The following ACAN variants were observed in gnomAD, a reference collection of about 807,000 sequenced individuals.
ACAN encodes the protein aggrecan core protein.
In ACAN, 47 loss-of-function variants were observed where a neutral mutation model predicts 169.1. That is an observed-to-expected ratio of 0.28 (90% confidence interval 0.22 to 0.35). The LOEUF is 0.35. Among genes scored for constraint, ACAN ranks in the 10% least tolerant of loss-of-function variants. The pLI, the probability that ACAN is intolerant of heterozygous loss-of-function variation, is 1.00. For synonymous variants in ACAN, 1,115 were observed against 1,112.2 expected (o/e 1.00, Z -0.05); for missense variants, 2,716 against 2,759.9 (o/e 0.98, Z 0.36).
At chr15:88,836,319 G>A in intron 2 of ACAN, 43 bp downstream of exon 2, 1 of 1,540,472 alleles carries the variant, frequency 6.5e-7, no homozygotes, top group Non-Finnish European at 9.0e-7. Flanking sequence ...CAGTAGGCAT[G>A]AGTAGTGGGT....
At chr15:88,840,961 G>A (rs912074042) in intron 4 of ACAN, among the ~76,000 whole-genome samples, 37 of 152,176 alleles carry the variant, frequency 2.4e-4, no homozygotes, top group South Asian at 1.2e-3. Flanking sequence ...TAGCTAACAT[G>A]GTGAAACCCC....
Position 88,814,781 on chromosome 15 carries a change from T to C in ACAN, c.-8+10972T>C, listed in dbSNP as rs1895899167. ...AGAACTCCTCTTCAGGTGTCATAGC[T>C]GCTAGCCAGCATGTCCATGCTATCA... is the stretch of plus-strand genomic sequence containing the variant. On this transcript the variant is annotated intron_variant, in intron 1 of 18. Coordinates refer to ENST00000560601, the MANE Select transcript of ACAN (RefSeq NM_001369268.1). The surrounding 1 kb of genome is among the most constrained non-coding windows in gnomAD (Gnocchi z 4.0). Among the ~76,000 whole-genome samples the C allele has an allele frequency of 2.0e-5, 3 of 152,192 alleles. No homozygotes were observed. Among genetic ancestry groups the C allele is most frequent in the Admixed American group, 6.5e-5 (1 of 15,282 alleles).
chr15:88,835,419 ACAC>A (rs1030505552), intron 1 of ACAN, among the ~76,000 whole-genome samples: 2 of 152,092 alleles, frequency 1.3e-5, no homozygotes, highest in Non-Finnish European at 2.9e-5. Flanking sequence ...ACACACACAC[ACAC>A]GAGAGACAGA....
Position 88,838,610 on chromosome 15 carries a change from G to T in ACAN, c.71-53G>T. 1 of 1,527,146 alleles carries T rather than the reference G, an allele frequency of 6.5e-7. No homozygotes were observed. The highest frequency in any genetic ancestry group is 2.0e-5 in the Admixed American group (1 of 48,874). 94.6% of individuals were successfully genotyped at this position (1,527,146 alleles called of 1,614,324 possible). A position where few individuals can be genotyped will look rare whatever the true frequency, so the allele number is the denominator to read the frequency against. The stretch of plus-strand genomic sequence containing the variant: ...GGAAGGATGGATGGGGAGGCGGGGT[G>T]GTCCTCTCTAGGCACTAACAGGTCT... On this transcript the variant is annotated intron_variant, in intron 2 of 18. Transcript: ENST00000560601. The surrounding 1 kb of genome is among the most constrained non-coding windows in gnomAD (Gnocchi z 5.1).
At chr15:88,817,725 A>C (rs1895975521) in intron 1 of ACAN, among the ~76,000 whole-genome samples, 1 of 151,794 alleles carries the variant, frequency 6.6e-6, no homozygotes, top group Non-Finnish European at 1.5e-5. Context: ...ATAGTGGTGC[A>C]TGCCTATAGT....
rs1285366415 is a variant in ACAN, at chr15:88,873,013, A to G, written c.7435A>G (p.Lys2479Glu). 1 of 1,612,864 alleles carries G rather than the reference A, an allele frequency of 6.2e-7. No homozygotes were observed. Among genetic ancestry groups the G allele is most frequent in the African/African-American group, 1.3e-5 (1 of 74,922 alleles). Reference sequence around the variant, plus strand: ...CAATTACCACCTCCCCTTCACGTGTAAAAAGGGCACAGGTAAGCTGGCGCC... The same window carrying G: ...CAATTACCACCTCCCCTTCACGTGTGAAAAGGGCACAGGTAAGCTGGCGCC... ...PCNYHLPFTC[K>E]KGTVACGEPP... Residue 2479 changes from lysine to glutamate, a missense_variant, in exon 17 of 19, where the codon AAA becomes GAA. Lys to Glu is a moderately conservative substitution (Grantham distance 56, BLOSUM62 1). Around this residue, in one of 3 missense-constraint regions of ACAN, gnomAD observed 1,389 missense variants for 1,363.7 expected, o/e 1.02. Coordinates refer to ENST00000560601, the MANE Select transcript of ACAN (RefSeq NM_001369268.1). The surrounding 1 kb of genome is among the most constrained non-coding windows in gnomAD (Gnocchi z 7.5).
chr15:88,817,952 T>G (rs376429835), intron 1 of ACAN, among the ~76,000 whole-genome samples: 39 of 152,240 alleles, frequency 2.6e-4, no homozygotes, highest in African/African-American at 7.5e-4. Flanking sequence ...GTTAAATTTC[T>G]GTCTGTCTTT....
intron 4 of ACAN, among the ~76,000 whole-genome samples, chr15:88,841,150 A>G (rs1008842830): frequency 3.3e-5 from 5 of 152,264 alleles, no homozygotes; most frequent in East Asian, 3.8e-4. Flanking sequence ...GTCTCAAAAA[A>G]TAAAAGAACT....
chr15:88,839,005 G>C lies in ACAN; in HGVS notation c.413G>C (p.Gly138Ala), dbSNP rs760138666. 39 of 1,609,680 alleles carry C rather than the reference G, an allele frequency of 2.4e-5. No individual in the cohort carries two copies. Among genetic ancestry groups the C allele is most frequent in the East Asian group, 4.5e-5 (2 of 44,894 alleles). The change falls in exon 3 of 19, where the codon GGC becomes GCC. Residue 138 changes from glycine (G) to alanine (A), a missense_variant. Coordinates refer to ENST00000560601, the MANE Select transcript of ACAN (RefSeq NM_001369268.1). The surrounding 1 kb of genome is among the most constrained non-coding windows in gnomAD (Gnocchi z 4.5). ...GTCTACCGCTGCGAGGTGATGCATG[G>C]CATCGAGGACAGCGAGGCCACCCTG... ...SGVYRCEVMH[G>A]IEDSEATLEV...
chr15:88,854,946 A>T lies in ACAN; in HGVS notation c.2361A>T (p.Pro787=). The change falls in exon 12 of 19, where the codon CCA becomes CCT. Residue 787 remains proline, a synonymous_variant. Transcript: ENST00000560601. ...ATEVPSASEE[P]SPSEVPFPSE... ...AAGTGCCCTCTGCCTCAGAGGAACC[A>T]TCCCCCTCAGAGGTGCCATTCCCCT... is the stretch of plus-strand genomic sequence containing the variant. The T allele has an allele frequency of 6.3e-7, 1 of 1,595,772 alleles. No individual in the cohort carries two copies. The highest frequency in any genetic ancestry group is 1.8e-5 in the Admixed American group (1 of 56,976).
rs1023643376 is a variant in ACAN, at chr15:88,871,728, G to C, written c.7219+188G>C. 6.6e-6 allele frequency among the ~76,000 whole-genome samples: 1 copy of C among 152,206 alleles called. No homozygotes were observed. Among genetic ancestry groups the C allele is most frequent in the African/African-American group, 2.4e-5 (1 of 41,454 alleles). Reference sequence around the variant, plus strand: ...AACGGTCTTTGGGGCCAGAAGCTGTGGCTGCAGCCAGGGCAGACCCATTGC... The same window carrying C: ...AACGGTCTTTGGGGCCAGAAGCTGTCGCTGCAGCCAGGGCAGACCCATTGC... On this transcript the variant is annotated intron_variant, in intron 15 of 18. Coordinates refer to ENST00000560601, the MANE Select transcript of ACAN (RefSeq NM_001369268.1). This position sits in a 1 kb window ranked among gnomAD's most constrained non-coding sequence, Gnocchi z 7.8.
rs1239856925 is a variant in ACAN, at chr15:88,814,246, T to C, written c.-8+10437T>C. Reference sequence around the variant, plus strand: ...GTTGGGAGGGTAAAATGAGATAATATAGCTAAACCACAGTACCTCCCACAG... The same window carrying C: ...GTTGGGAGGGTAAAATGAGATAATACAGCTAAACCACAGTACCTCCCACAG... On this transcript the variant is annotated intron_variant, in intron 1 of 18. Transcript: ENST00000560601. This position sits in a 1 kb window ranked among gnomAD's most constrained non-coding sequence, Gnocchi z 4.0. 6.6e-6 allele frequency among the ~76,000 whole-genome samples: 1 copy of C among 152,180 alleles called. No homozygotes were observed. The highest frequency in any genetic ancestry group is 1.5e-5 in the Non-Finnish European group (1 of 68,026).
Position 88,866,056 on chromosome 15 carries a change from C to T in ACAN, c.6947-2160C>T, listed in dbSNP as rs748722403. Among the ~76,000 whole-genome samples, 2 of 152,166 alleles carry T rather than the reference C, an allele frequency of 1.3e-5. No individual in the cohort carries two copies. The highest frequency in any genetic ancestry group is 2.9e-5 in the Non-Finnish European group (2 of 68,030). On this transcript the variant is annotated intron_variant, in intron 13 of 18. Transcript: ENST00000560601. This position sits in a 1 kb window ranked among gnomAD's most constrained non-coding sequence, Gnocchi z 5.6. ...GAATTTGTTCCTTCAGTCCCCGCAG[C>T]CTTCTCAGATTTTGTGCCCTGGTCA...
At chr15:88,865,382 A>G (rs1897263407) in intron 13 of ACAN, among the ~76,000 whole-genome samples, 1 of 152,092 alleles carries the variant, frequency 6.6e-6, no homozygotes, top group African/African-American at 2.4e-5. Context: ...CTGTCTCCCC[A>G]ACACCCAGGT....
chr15:88,818,786 A>G (rs1896003780), intron 1 of ACAN, among the ~76,000 whole-genome samples: 1 of 152,202 alleles, frequency 6.6e-6, no homozygotes, highest in Non-Finnish European at 1.5e-5. Flanking sequence ...GGCCAACCCC[A>G]TGAAGAGATT....
chr15:88,871,594 G>A lies in ACAN; in HGVS notation c.7219+54G>A. On this transcript the variant is annotated intron_variant, in intron 15 of 18. Coordinates refer to ENST00000560601, the MANE Select transcript of ACAN (RefSeq NM_001369268.1). The surrounding 1 kb of genome is among the most constrained non-coding windows in gnomAD (Gnocchi z 7.8). ...AGAGGAGAGTGGCGGTGTAGGCAAA[G>A]GGCCTCACCTTTCAGAAGGCAGCAG... The A allele has an allele frequency of 6.4e-7, 1 of 1,552,106 alleles. No homozygotes were observed. The highest frequency in any genetic ancestry group is 8.7e-7 in the Non-Finnish European group (1 of 1,149,194).
At chr15:88,823,048 C>T (rs1896119004) in intron 1 of ACAN, among the ~76,000 whole-genome samples, 1 of 152,194 alleles carries the variant, frequency 6.6e-6, no homozygotes, top group Non-Finnish European at 1.5e-5. Flanking sequence ...CCCTCAGCTG[C>T]CAGACACATT....
In ACAN at chr15:88,838,371, G is replaced by C. The variant is rs183734076; in HGVS notation, c.71-292G>C. ...ACCCCAGTTTGAGAAACAGGGAGTT[G>C]GTCCTGACTCTGACGTCTCCCCTCC... On this transcript the variant is annotated intron_variant, in intron 2 of 18. Transcript: ENST00000560601. This position sits in a 1 kb window ranked among gnomAD's most constrained non-coding sequence, Gnocchi z 5.1. 1.2e-3 allele frequency among the ~76,000 whole-genome samples: 179 copies of C among 152,170 alleles called. No individual in the cohort carries two copies. Among genetic ancestry groups the C allele is most frequent in the Non-Finnish European group, 2.0e-3 (139 of 67,996 alleles).
chr15:88,856,951 G>A lies in ACAN; in HGVS notation c.4366G>A (p.Val1456Ile), dbSNP rs760663774. 3 of 1,613,358 alleles carry A rather than the reference G, an allele frequency of 1.9e-6. No individual in the cohort carries two copies. Among genetic ancestry groups the A allele is most frequent in the Middle Eastern group, 1.7e-4 (1 of 5,962 alleles). The change falls in exon 12 of 19, where the codon GTT becomes ATT. Residue 1456 changes from valine (V) to isoleucine (I), a missense_variant. Physicochemically the swap from Val to Ile is conservative, Grantham distance 29. Around this residue, in one of 3 missense-constraint regions of ACAN, gnomAD observed 1,389 missense variants for 1,363.7 expected, o/e 1.02. Transcript: ENST00000560601. ...GATCAGCGGGCTTCCTTCTGGAGAA[G>A]TTCTAGAGACTTCTACCTCTGCGGT... The part of the protein sequence containing the change: ...EEISGLPSGE[V>I]LETSTSAVGD...
Sources: gnomAD v4.1 joint callset for allele counts (sites outside exome capture counted in the v4.1 genomes callset) on GRCh38, gnomAD v4.1.1 for gene constraint, gnomAD v4.1.1 regional missense constraint, Gnocchi (gnomAD v3.1) non-coding constraint, MANE v1.5 for transcripts, NCBI Gene and HGNC (gene_info 2026-07-23, HGNC 2026-07-21) for gene names.